Variants in WWOX observed in about 807,000 individuals in gnomAD.
WWOX encodes WW domain containing oxidoreductase.
A neutral mutation model predicts 46.2 loss-of-function variants in WWOX; 69 were observed. That is an observed-to-expected ratio of 1.49 (90% CI 1.23 to 1.82). The LOEUF is 1.82. Ranked by LOEUF, WWOX falls within the 40% of genes most tolerant of loss-of-function variation. The probability of loss-of-function intolerance (pLI) is 0.00; values close to 1 mark genes in which losing one functional copy is unlikely to be tolerated. For synonymous variants in WWOX, 359 were observed against 202.6 expected (o/e 1.77, Z -6.56); for missense variants, 919 against 542.6 (o/e 1.69, Z -6.89).
rs184502236 is a variant in WWOX, at chr16:79,075,946, G to A, written c.1057-135662G>A. ...AAATTTAGTTAACATCTGCTCTAAC[G>A]TTGGATCATGTGTGGAGTCCCCAGT... On this transcript the variant is annotated intron_variant, in intron 8 of 8. Coordinates refer to ENST00000566780, the MANE Select transcript of WWOX (RefSeq NM_016373.4). Among the ~76,000 whole-genome samples the A allele has an allele frequency of 2.4e-3, 371 of 152,286 alleles. 1 individual carries two copies. Among genetic ancestry groups the A allele is most frequent in the South Asian group, 6.6e-3 (32 of 4,826 alleles).
chr16:78,483,211 A>C (rs1036617882), intron 8 of WWOX, among the ~76,000 whole-genome samples: 1 of 152,050 alleles, frequency 6.6e-6, no homozygotes, highest in Non-Finnish European at 1.5e-5. Context: ...TTTTGATTTG[A>C]TGTTGAAGGT....
chr16:78,665,647 A>G (rs901375839), intron 8 of WWOX, among the ~76,000 whole-genome samples: 27 of 152,194 alleles, frequency 1.8e-4, no homozygotes, highest in African/African-American at 5.8e-4. Context: ...AAAAGCAAGA[A>G]TCCTGAGCTG....
intron 8 of WWOX, among the ~76,000 whole-genome samples, chr16:78,596,173 T>C (rs2045484684): frequency 6.6e-6 from 1 of 151,894 alleles, no homozygotes. Context: ...TATTATCTTT[T>C]GAGTGATATC....
intron 8 of WWOX, chr16:78,898,146 T>C (rs2044744776): frequency 6.6e-6 from 1 of 152,170 alleles, no homozygotes; most frequent in Non-Finnish European, 1.5e-5. Context: ...GCAGAAGTTA[T>C]AAATACTGAT....
intron 8 of WWOX, among the ~76,000 whole-genome samples, chr16:78,506,085 G>A (rs1231402471): frequency 2.0e-5 from 3 of 152,176 alleles, no homozygotes; most frequent in Non-Finnish European, 2.9e-5. Flanking sequence ...AGAGCTCCTC[G>A]CTTGGCCAGC....
chr16:78,915,262 C>T (rs760399027), intron 8 of WWOX, among the ~76,000 whole-genome samples: 16 of 152,282 alleles, frequency 1.1e-4, no homozygotes, highest in South Asian at 4.1e-4. Flanking sequence ...ATGACCATTC[C>T]AGTCATGAAA....
chr16:79,048,210 C>T (rs1025421259), intron 8 of WWOX, among the ~76,000 whole-genome samples: 1 of 152,122 alleles, frequency 6.6e-6, no homozygotes, highest in Non-Finnish European at 1.5e-5. Flanking sequence ...AAGGGCAGGC[C>T]AGGAGGGAGC....
intron 8 of WWOX, among the ~76,000 whole-genome samples, chr16:78,645,277 G>C (rs2046812831): frequency 6.6e-6 from 1 of 152,030 alleles, no homozygotes; most frequent in African/African-American, 2.4e-5. Context: ...CTTTCTCAGA[G>C]AGGCCCATCC....
chr16:78,109,734 T>G lies in WWOX; in HGVS notation c.173-44T>G, dbSNP rs761028331. ...CCCTTCCTGACCCAGGGATGGTCTT[T>G]ACTTCTCCCTGGCACCTGTAGACCT... On this transcript the variant is annotated intron_variant, in intron 2 of 8. Coordinates refer to ENST00000566780, the MANE Select transcript of WWOX (RefSeq NM_016373.4). 1.1e-5 allele frequency: 17 copies of G among 1,607,962 alleles called. No individual in the cohort carries two copies. The East Asian group carries it at 3.8e-4, about 36-fold the overall frequency.
chr16:79,179,280 A>C (rs13333215), intron 8 of WWOX, among the ~76,000 whole-genome samples: 12,852 of 152,238 alleles, frequency 0.084, 1,717 homozygotes, highest in African/African-American at 0.28. Context: ...AATGAACATA[A>C]AAACCGATTA....
chr16:78,345,447 C>CTGGGGTTTTG (rs2081076121), intron 5 of WWOX, among the ~76,000 whole-genome samples: 1 of 46,746 alleles, frequency 2.1e-5, no homozygotes, highest in East Asian at 4.5e-4. Context: ...ATGGCAAAAC[C>CTGGGGTTTTG]CCATCGCTAC....
intron 3 of WWOX, among the ~76,000 whole-genome samples, chr16:78,110,962 C>G (rs759717366): frequency 4.0e-5 from 6 of 151,760 alleles, no homozygotes; most frequent in Non-Finnish European, 7.4e-5. Flanking sequence ...TAGTCTTTGA[C>G]AGGATTAGGA....
chr16:78,523,638 C>T (rs74029523), intron 8 of WWOX, among the ~76,000 whole-genome samples: 6,808 of 152,284 alleles, frequency 0.045, 447 homozygotes, highest in African/African-American at 0.15. Flanking sequence ...GAAAAAACTT[C>T]GCTTTTCGTA....
chr16:78,483,189 A>G (rs931037583), intron 8 of WWOX, among the ~76,000 whole-genome samples: 5 of 152,082 alleles, frequency 3.3e-5, no homozygotes, highest in African/African-American at 4.8e-5. Flanking sequence ...AATGTAAAAG[A>G]TACTTTTACC....
At chr16:78,375,679 A>C (rs542010756) in intron 5 of WWOX, among the ~76,000 whole-genome samples, 1 of 152,190 alleles carries the variant, frequency 6.6e-6, no homozygotes, top group African/African-American at 2.4e-5. Flanking sequence ...AAATGTGGGT[A>C]TCTCTTGACC....
At chr16:78,979,279 G>A (rs1046100628) in intron 8 of WWOX, among the ~76,000 whole-genome samples, 8 of 151,966 alleles carry the variant, frequency 5.3e-5, no homozygotes, top group African/African-American at 1.2e-4. Flanking sequence ...CAGAGATAAC[G>A]CCTGTGTTTT....
At chr16:78,720,776 T>C (rs1352407648) in intron 8 of WWOX, among the ~76,000 whole-genome samples, 3 of 152,184 alleles carry the variant, frequency 2.0e-5, no homozygotes, top group African/African-American at 7.2e-5. Context: ...TCTCAAACTC[T>C]ATTATACAAG....
intron 8 of WWOX, among the ~76,000 whole-genome samples, chr16:79,105,497 C>T (rs756838571): frequency 6.6e-6 from 1 of 152,072 alleles, no homozygotes; most frequent in Non-Finnish European, 1.5e-5. Flanking sequence ...TATACCTATA[C>T]CCATATCAAT....
intron 5 of WWOX, among the ~76,000 whole-genome samples, chr16:78,249,470 TA>T (rs1028963482): frequency 6.6e-6 from 1 of 152,234 alleles, no homozygotes; most frequent in African/African-American, 2.4e-5. Context: ...ATTTTAAATG[TA>T]AATCTAGAGT....
Sources: gnomAD v4.1 joint callset for allele counts (sites outside exome capture counted in the v4.1 genomes callset) on GRCh38, gnomAD v4.1.1 for gene constraint, MANE v1.5 for transcripts, NCBI Gene and HGNC (gene_info 2026-07-23, HGNC 2026-07-21) for gene names.